Variants in LRRC3B observed in about 807,000 individuals in gnomAD.
LRRC3B encodes leucine-rich repeat-containing protein 3B.
A neutral mutation model predicts 12.8 loss-of-function variants in LRRC3B; 2 were observed. That is an observed-to-expected ratio of 0.16 (90% CI 0.06 to 0.49). The LOEUF is 0.49. LRRC3B is among the 20% of genes least tolerant of loss of function. LRRC3B has a pLI of 0.96. For synonymous variants in LRRC3B, 132 were observed against 122.0 expected (o/e 1.08, Z -0.54); for missense variants, 189 against 319.4 (o/e 0.59, Z 3.11).
intron 1 of LRRC3B, among the ~76,000 whole-genome samples, chr3:26,630,733 G>T (rs927536560): frequency 6.6e-5 from 10 of 152,124 alleles, no homozygotes; most frequent in African/African-American, 2.4e-4. Context: ...CAAGTTCATG[G>T]ATGCCTTGAA....
At chr3:26,665,835 A>T (rs1201134049) in intron 1 of LRRC3B, among the ~76,000 whole-genome samples, 1 of 152,166 alleles carries the variant, frequency 6.6e-6, no homozygotes, top group Non-Finnish European at 1.5e-5. Context: ...AAGGCATGTG[A>T]TGTTCACCAG....
At chr3:26,638,602 G>T (rs1436390400) in intron 1 of LRRC3B, among the ~76,000 whole-genome samples, 1 of 152,174 alleles carries the variant, frequency 6.6e-6, no homozygotes, top group Admixed American at 6.5e-5. Flanking sequence ...ATTATAAAAA[G>T]AATGTAATTT....
intron 1 of LRRC3B, among the ~76,000 whole-genome samples, chr3:26,705,666 A>T (rs577139952): frequency 3.9e-5 from 6 of 152,080 alleles, no homozygotes; most frequent in Non-Finnish European, 5.9e-5. Context: ...TTGTGATTCA[A>T]TCAAAGCAGG....
chr3:26,673,924 C>G (rs1699804856), intron 1 of LRRC3B, among the ~76,000 whole-genome samples: 1 of 152,242 alleles, frequency 6.6e-6, no homozygotes, highest in South Asian at 2.1e-4. Flanking sequence ...GCCAGCCAGA[C>G]TGCAGGAGGC....
intron 1 of LRRC3B, among the ~76,000 whole-genome samples, chr3:26,636,978 C>CTCTCTT (rs1553601418): frequency 2.2e-4 from 19 of 88,140 alleles, no homozygotes; most frequent in Admixed American, 8.9e-4. Flanking sequence ...TTCTTTCTCT[C>CTCTCTT]TCTCTCTTTC....
chr3:26,636,806 T>TTCCG (rs1698882953), intron 1 of LRRC3B, among the ~76,000 whole-genome samples: 2 of 78,594 alleles, frequency 2.5e-5, no homozygotes, highest in Non-Finnish European at 2.3e-5. Context: ...TAGTCTTTCT[T>TTCCG]TCCCTCCCTC....
intron 1 of LRRC3B, among the ~76,000 whole-genome samples, chr3:26,673,094 A>G (rs1378406632): frequency 6.6e-6 from 1 of 152,124 alleles, no homozygotes; most frequent in Non-Finnish European, 1.5e-5. Context: ...CTTAGAAGTT[A>G]CTCTTAAATA....
At chr3:26,696,683 A>G (rs1054360767) in intron 1 of LRRC3B, among the ~76,000 whole-genome samples, 3 of 152,142 alleles carry the variant, frequency 2.0e-5, no homozygotes, top group Non-Finnish European at 4.4e-5. Context: ...CATACTAACT[A>G]TCCTGTTCCA....
At chr3:26,698,497 T>G (rs1325960193) in intron 1 of LRRC3B, among the ~76,000 whole-genome samples, 3 of 152,184 alleles carry the variant, frequency 2.0e-5, no homozygotes, top group Non-Finnish European at 1.5e-5. Flanking sequence ...TAAGCCTTAC[T>G]CTATCTAGGA....
chr3:26,708,162 A>G (rs6763642), intron 1 of LRRC3B, among the ~76,000 whole-genome samples: 43,159 of 152,100 alleles, frequency 0.28, 10,450 homozygotes, highest in African/African-American at 0.64. Flanking sequence ...CTCATGCAGA[A>G]AGTTGTTTGT....
intron 1 of LRRC3B, among the ~76,000 whole-genome samples, chr3:26,659,793 T>C (rs375776879): frequency 1.4e-4 from 21 of 152,320 alleles, no homozygotes; most frequent in African/African-American, 5.0e-4. Flanking sequence ...ATTTCATTCA[T>C]TCCTAGGTTC....
chr3:26,651,360 C>CT (rs1699260796), intron 1 of LRRC3B, among the ~76,000 whole-genome samples: 2 of 152,302 alleles, frequency 1.3e-5, no homozygotes, highest in Admixed American at 1.3e-4. Context: ...GCCTTATTCT[C>CT]TATCATTTTT....
intron 1 of LRRC3B, among the ~76,000 whole-genome samples, chr3:26,673,578 TA>T (rs1310138463): frequency 6.6e-6 from 1 of 152,236 alleles, no homozygotes; most frequent in African/African-American, 2.4e-5. Context: ...TCTTTGCCTA[TA>T]AAAGAGAAGA....
chr3:26,685,519 CTCTCTATATATA>C (rs1188669571), intron 1 of LRRC3B, among the ~76,000 whole-genome samples: 93 of 47,760 alleles, frequency 1.9e-3, no homozygotes, highest in African/African-American at 6.0e-3. Flanking sequence ...CTCTCTCTCT[CTCTCTATATATA>C]TATATATATA....
chr3:26,648,773 GTTTAA>G (rs2125413485), intron 1 of LRRC3B, among the ~76,000 whole-genome samples: 1 of 152,354 alleles, frequency 6.6e-6, no homozygotes, highest in Non-Finnish European at 1.5e-5. Flanking sequence ...GCATTTTAAT[GTTTAA>G]TTTGAGTGCT....
In LRRC3B at chr3:26,685,615, G is replaced by GTGTA. The variant is rs1395832034; in HGVS notation, c.-160-23897_-160-23896insGTAT. ...CACTCATATATATATATGTGTGTGT[G>GTGTA]TATATATATATATATATATCTATAT... On this transcript the variant is annotated intron_variant, in intron 1 of 1. Coordinates refer to ENST00000396641, the Ensembl canonical transcript of LRRC3B. Among the ~76,000 whole-genome samples the GTGTA allele has an allele frequency of 2.1e-3, 253 of 120,470 alleles. 3 individuals are homozygous for GTGTA. Among genetic ancestry groups the GTGTA allele is most frequent in the African/African-American group, 8.2e-3 (240 of 29,388 alleles). 79.0% of individuals were successfully genotyped at this position (120,470 alleles called of 152,430 possible).
At chr3:26,637,441 T>A (rs920717234) in intron 1 of LRRC3B, among the ~76,000 whole-genome samples, 6 of 152,204 alleles carry the variant, frequency 3.9e-5, no homozygotes, top group Non-Finnish European at 7.3e-5. Flanking sequence ...ACTAGTTTTA[T>A]AAAGTCATGT....
chr3:26,640,426 TAAA>T (rs10707193), intron 1 of LRRC3B, among the ~76,000 whole-genome samples: 46 of 140,190 alleles, frequency 3.3e-4, no homozygotes, highest in African/African-American at 8.5e-4. Context: ...CCTTATAAAC[TAAA>T]AAAAAAAAAA....
At chr3:26,672,280 G>A (rs992962314) in intron 1 of LRRC3B, among the ~76,000 whole-genome samples, 1 of 152,146 alleles carries the variant, frequency 6.6e-6, no homozygotes, top group Non-Finnish European at 1.5e-5. Flanking sequence ...TACAGGAGAA[G>A]GGTAGTGATT....
Sources: gnomAD v4.1 joint callset for allele counts (sites outside exome capture counted in the v4.1 genomes callset) on GRCh38, gnomAD v4.1.1 for gene constraint, MANE v1.5 for transcripts, NCBI Gene and HGNC (gene_info 2026-07-23, HGNC 2026-07-21) for gene names.